Variants in ANTXR2 observed in about 807,000 individuals in gnomAD.
The protein encoded by ANTXR2 is ANTXR cell adhesion molecule 2.
In ANTXR2, 44 loss-of-function variants were observed where a neutral mutation model predicts 73.7. The observed-to-expected ratio is 0.60, with a 90% CI of 0.47 to 0.77. The LOEUF (loss-of-function observed/expected upper bound fraction) is 0.77, where lower values mean the gene tolerates loss of function less well. Ranked by LOEUF, ANTXR2 falls within the 30% of genes least tolerant of loss-of-function variation. The pLI, the probability that ANTXR2 is intolerant of heterozygous loss-of-function variation, is 0.00. For synonymous variants in ANTXR2, 217 were observed against 205.9 expected (o/e 1.05, Z -0.46); for missense variants, 604 against 592.5 (o/e 1.02, Z -0.20).
intron 10 of ANTXR2, among the ~76,000 whole-genome samples, chr4:80,020,124 T>G (rs1004341720): frequency 4.9e-4 from 74 of 152,240 alleles, no homozygotes; most frequent in African/African-American, 1.7e-3. Flanking sequence ...ACGCCTATAG[T>G]CCCAGCCCTT....
At chr4:79,978,699 T>G (rs1430022017) in intron 14 of ANTXR2, among the ~76,000 whole-genome samples, 1 of 152,146 alleles carries the variant, frequency 6.6e-6, no homozygotes, top group Non-Finnish European at 1.5e-5. Flanking sequence ...GGAGGTTAAG[T>G]GATATGCCCA....
intron 16 of ANTXR2, among the ~76,000 whole-genome samples, chr4:79,976,806 A>G (rs1338618543): frequency 1.3e-5 from 2 of 152,156 alleles, no homozygotes; most frequent in Non-Finnish European, 2.9e-5. Context: ...CCTGCATCAG[A>G]TTCCTTCTTA....
chr4:79,984,912 T>C (rs1431080350), intron 12 of ANTXR2, 49 bp from the exon 13 acceptor site: 3 of 1,398,358 alleles, frequency 2.1e-6, no homozygotes, highest in African/African-American at 1.4e-5. Context: ...AGAGAGGAGA[T>C]AGTAAGGATG....
At chr4:80,060,728 G>A (rs1253265795) in intron 3 of ANTXR2, among the ~76,000 whole-genome samples, 1 of 152,146 alleles carries the variant, frequency 6.6e-6, no homozygotes, top group African/African-American at 2.4e-5. Flanking sequence ...TCATAGGTAT[G>A]TATGTATAGA....
intron 7 of ANTXR2, among the ~76,000 whole-genome samples, chr4:80,049,632 C>G (rs918204557): frequency 6.6e-6 from 1 of 151,646 alleles, no homozygotes; most frequent in South Asian, 2.1e-4. Context: ...CTGCCCTATG[C>G]CTTCTTCCAT....
In ANTXR2 at chr4:80,036,126, T is replaced by C. The variant is rs1036793267; in HGVS notation, c.637-94A>G. On this transcript the variant is annotated intron_variant, in intron 7 of 16. Coordinates refer to ENST00000403729, the MANE Select transcript of ANTXR2 (RefSeq NM_058172.6). ...GATTAGTAATAACCTTGAGGTCTTC[T>C]CCATACTTCAATAGATCTCAGAGAA... is the stretch of plus-strand genomic sequence containing the variant. 13 of 1,007,082 alleles carry C rather than the reference T, an allele frequency of 1.3e-5. No individual in the cohort carries two copies. The East Asian group carries it at 3.4e-4, about 26-fold the overall frequency. 62.4% of individuals were successfully genotyped at this position (1,007,082 alleles called of 1,614,324 possible).
intron 12 of ANTXR2, among the ~76,000 whole-genome samples, chr4:79,992,509 T>C (rs575151146): frequency 1.8e-4 from 27 of 152,046 alleles, no homozygotes; most frequent in African/African-American, 5.5e-4. Context: ...ATTTTTTTAA[T>C]AATCATAAAA....
chr4:80,036,108 A>G (rs1732946566), intron 7 of ANTXR2, 76 bp from the exon 8 acceptor site: 1 of 1,241,878 alleles, frequency 8.1e-7, no homozygotes, highest in African/African-American at 1.6e-5. Context: ...TAAGATTAGT[A>G]ATAACCTTGA....
At chr4:79,922,038 G>A (rs757831502) in intron 16 of ANTXR2, among the ~76,000 whole-genome samples, 1 of 151,758 alleles carries the variant, frequency 6.6e-6, no homozygotes, top group African/African-American at 2.4e-5. Context: ...TAACATATAC[G>A]GATTAAAACT....
intron 1 of ANTXR2, among the ~76,000 whole-genome samples, 178 bp downstream of exon 1, chr4:80,072,231 T>C (rs1734825304): frequency 6.6e-6 from 1 of 152,118 alleles, no homozygotes. Context: ...CCGACCCGGC[T>C]GATCTCCGCC....
intron 16 of ANTXR2, among the ~76,000 whole-genome samples, chr4:79,910,067 T>G (rs1727064649): frequency 6.6e-6 from 1 of 152,188 alleles, no homozygotes; most frequent in Non-Finnish European, 1.5e-5. Context: ...CATGGGCGAC[T>G]TACTTAACTA....
chr4:80,052,489 T>C (rs1378770734), intron 7 of ANTXR2, among the ~76,000 whole-genome samples: 1 of 151,676 alleles, frequency 6.6e-6, no homozygotes, highest in African/African-American at 2.4e-5. Flanking sequence ...CCAGGTTTGG[T>C]TGTAATGGCT....
At chr4:80,033,982 A>G (rs981050348) in intron 8 of ANTXR2, among the ~76,000 whole-genome samples, 1 of 152,050 alleles carries the variant, frequency 6.6e-6, no homozygotes, top group Non-Finnish European at 1.5e-5. Flanking sequence ...AATAAAACTA[A>G]TTATGTACGT....
rs1726688266 is a variant in ANTXR2, at chr4:79,901,195, T to C, written c.*6234A>G. 6.6e-6 allele frequency: 1 copy of C among 152,188 alleles called. No homozygotes were observed. Among genetic ancestry groups the C allele is most frequent in the African/African-American group, 2.4e-5 (1 of 41,458 alleles). 9.4% of individuals were successfully genotyped at this position (152,188 alleles called of 1,614,324 possible). On this transcript the variant is annotated 3_prime_UTR_variant, in exon 17 of 17. Coordinates refer to ENST00000403729, the MANE Select transcript of ANTXR2 (RefSeq NM_058172.6). ...GAACACTTTATTGTGATAATAATAA[T>C]GGCTTCATTTCACATCAGAATTTCA... is the stretch of plus-strand genomic sequence containing the variant.
chr4:80,024,630 T>C (rs1578165405), intron 10 of ANTXR2: 1 of 418,816 alleles, frequency 2.4e-6, no homozygotes, highest in African/African-American at 2.1e-5. Context: ...GGTGTGGTGG[T>C]ACATGCCTGT....
intron 16 of ANTXR2, among the ~76,000 whole-genome samples, chr4:79,951,942 T>C (rs1303613248): frequency 6.6e-6 from 1 of 152,148 alleles, no homozygotes; most frequent in African/African-American, 2.4e-5. Flanking sequence ...TTACGTTGTA[T>C]ATGTGGATTG....
rs1291152250 is a variant in ANTXR2, at chr4:79,907,476, A to C, written c.1429-9T>G. The C allele has an allele frequency of 6.2e-6, 10 of 1,612,452 alleles. No individual in the cohort carries two copies. The South Asian group carries it at 1.1e-4, about 18-fold the overall frequency. On this transcript the variant is annotated splice_polypyrimidine_tract_variant and intron_variant, in intron 16 of 16. Transcript: ENST00000403729. ...AAGTTTATGCACCGGCCCTGAAGAA[A>C]GAAATAAATCCATATTGAAATATTG...
At chr4:80,019,534 A>C (rs1270621256) in intron 10 of ANTXR2, among the ~76,000 whole-genome samples, 1 of 152,252 alleles carries the variant, frequency 6.6e-6, no homozygotes, top group Non-Finnish European at 1.5e-5. Flanking sequence ...TTCTAAATCC[A>C]GAAAAATGCC....
At chr4:80,065,162 C>A (rs1734437656) in intron 3 of ANTXR2, among the ~76,000 whole-genome samples, 1 of 152,178 alleles carries the variant, frequency 6.6e-6, no homozygotes, top group African/African-American at 2.4e-5. Context: ...TCAACTAAAT[C>A]TCTGTTACAG....
Sources: gnomAD v4.1 joint callset for allele counts (sites outside exome capture counted in the v4.1 genomes callset) on GRCh38, gnomAD v4.1.1 for gene constraint, MANE v1.5 for transcripts, NCBI Gene and HGNC (gene_info 2026-07-23, HGNC 2026-07-21) for gene names.